The following VAV2 variants were observed in gnomAD, a reference collection of about 807,000 sequenced individuals.
The protein encoded by VAV2 is vav guanine nucleotide exchange factor 2.
In VAV2, 67 loss-of-function variants were observed where a neutral mutation model predicts 132.5. That is an observed-to-expected ratio of 0.51 (90% CI 0.42 to 0.62). The LOEUF (loss-of-function observed/expected upper bound fraction) is 0.62. Among genes scored for constraint, VAV2 ranks in the 20% least tolerant of loss-of-function variants. The pLI, the probability that VAV2 is intolerant of heterozygous loss-of-function variation, is 0.00. For missense variants in VAV2, 938 were observed against 1,153.6 expected (o/e 0.81, Z 2.71); for synonymous variants, 492 against 443.5 (o/e 1.11, Z -1.37).
intron 3 of VAV2, among the ~76,000 whole-genome samples, chr9:133,847,919 A>C (rs1837001718): frequency 6.6e-6 from 1 of 152,188 alleles, no homozygotes; most frequent in African/African-American, 2.4e-5. Context: ...CTGATCACTA[A>C]CAGGGAGGGA....
At chr9:133,980,586 T>C (rs1271244914) in intron 1 of VAV2, among the ~76,000 whole-genome samples, 1 of 152,152 alleles carries the variant, frequency 6.6e-6, no homozygotes, top group Non-Finnish European at 1.5e-5. Context: ...TGGAACCTTC[T>C]ATCACGCATC....
chr9:133,867,844 G>A (rs1292455199), intron 2 of VAV2, among the ~76,000 whole-genome samples: 2 of 152,238 alleles, frequency 1.3e-5, no homozygotes, highest in Non-Finnish European at 2.9e-5. Flanking sequence ...GTGTGGGGCG[G>A]TCCACCTGGC....
chr9:133,816,074 C>T (rs1835548352), intron 4 of VAV2, among the ~76,000 whole-genome samples: 1 of 152,220 alleles, frequency 6.6e-6, no homozygotes, highest in Non-Finnish European at 1.5e-5. Flanking sequence ...TTCTATTTGG[C>T]ACTTTCCTGA....
chr9:133,973,077 G>A (rs7037681), intron 1 of VAV2, among the ~76,000 whole-genome samples: 8,646 of 151,924 alleles, frequency 0.057, 367 homozygotes, highest in African/African-American at 0.12. Context: ...AATCCCCAGG[G>A]AGCCCTGCCT....
chr9:133,977,184 G>GC (rs1309146704), intron 1 of VAV2, among the ~76,000 whole-genome samples: 4 of 152,272 alleles, frequency 2.6e-5, no homozygotes, highest in South Asian at 2.1e-4. Context: ...GCAGAGTGAG[G>GC]CCCCCCCAGC....
In VAV2 at chr9:133,883,149, C is replaced by G. The variant is rs1838566938; in HGVS notation, c.322-21717G>C. ...TTCCCTCCTAATTGGCATGGAAAGT[C>G]AAGTCCCTGAGCCTGCAAAAGACTC... On this transcript the variant is annotated intron_variant, in intron 2 of 29. Transcript: ENST00000371850. The surrounding 1 kb of genome is among the most constrained non-coding windows in gnomAD (Gnocchi z 4.2). Among the ~76,000 whole-genome samples the G allele has an allele frequency of 6.6e-6, 1 of 152,242 alleles. No individual in the cohort carries two copies.
At chr9:133,846,495 G>A (rs374799872) in intron 3 of VAV2, among the ~76,000 whole-genome samples, 4 of 152,224 alleles carry the variant, frequency 2.6e-5, no homozygotes, top group African/African-American at 7.2e-5. Flanking sequence ...AGAGGCCACT[G>A]CCCTGCTGGA....
At chr9:133,851,457 T>G (rs1252676659) in intron 3 of VAV2, among the ~76,000 whole-genome samples, 1 of 152,206 alleles carries the variant, frequency 6.6e-6, no homozygotes, top group Non-Finnish European at 1.5e-5. Flanking sequence ...TGTAAGAAAT[T>G]GATCCAGCAT....
At chr9:133,976,848 G>A (rs1255844437) in intron 1 of VAV2, among the ~76,000 whole-genome samples, 2 of 151,980 alleles carry the variant, frequency 1.3e-5, no homozygotes, top group African/African-American at 4.8e-5. Context: ...ATCCACTGAG[G>A]AAGCCACTCC....
In VAV2 at chr9:133,789,491, G is replaced by A. The variant is rs147609021; in HGVS notation, c.1189-148C>T. On this transcript the variant is annotated intron_variant, in intron 13 of 29. Transcript: ENST00000371850. ...AGGGAAACAGCCCCTGTGGCTCCCA[G>A]CTGGTGCTCAGGATGGACGAGGGAG... 1.7e-3 allele frequency: 1,227 copies of A among 719,016 alleles called. 2 individuals carry two copies. The highest frequency in any genetic ancestry group is 8.7e-3 in the Middle Eastern group (26 of 2,972). The allele number at this position is 719,016 out of a possible 1,614,324, so 44.5% of individuals were successfully genotyped here.
rs970637394 is a variant in VAV2 at position 133,863,535 on chromosome 9, G to A, written c.322-2103C>T. On this transcript the variant is annotated intron_variant, in intron 2 of 29. Transcript: ENST00000371850. This position sits in a 1 kb window ranked among gnomAD's most constrained non-coding sequence, Gnocchi z 5.0. ...CGTCCATGCATCTGTGGCCCCTGTG[G>A]ACAATTTCTACAGCTGCTATGACCA... Among the ~76,000 whole-genome samples the A allele has an allele frequency of 1.6e-4, 25 of 152,232 alleles. No homozygotes were observed. The highest frequency in any genetic ancestry group is 5.9e-4 in the Admixed American group (9 of 15,290).
At position 133,763,891 on chromosome 9, in the gene VAV2, A is replaced by G; in HGVS notation, c.*171T>C. 1 of 767,450 alleles carries G rather than the reference A, an allele frequency of 1.3e-6. No individual in the cohort carries two copies. The highest frequency in any genetic ancestry group is 2.1e-6 in the Non-Finnish European group (1 of 470,010). 47.5% of individuals were successfully genotyped at this position (767,450 alleles called of 1,614,324 possible). On this transcript the variant is annotated 3_prime_UTR_variant, in exon 30 of 30. Transcript: ENST00000371850. The surrounding 1 kb of genome is among the most constrained non-coding windows in gnomAD (Gnocchi z 6.8). ...GTGATGGGTCGCCGAGGGCAGGCTG[A>G]CAGTGAAACGGTTCGAGTTTAGGAT...
At chr9:133,916,661 T>C (rs1840102507) in intron 2 of VAV2, among the ~76,000 whole-genome samples, 1 of 152,058 alleles carries the variant, frequency 6.6e-6, no homozygotes, top group South Asian at 2.1e-4. Context: ...GAAGCTGAGC[T>C]GGAAGAAAGA....
intron 2 of VAV2, among the ~76,000 whole-genome samples, chr9:133,905,459 A>G (rs1564453665): frequency 1.4e-5 from 2 of 146,354 alleles, no homozygotes; most frequent in African/African-American, 5.0e-5. Context: ...AAGAAACAAA[A>G]GAAGAAGAAC....
chr9:133,950,844 G>A (rs182091469), intron 1 of VAV2, among the ~76,000 whole-genome samples: 4 of 152,118 alleles, frequency 2.6e-5, no homozygotes, highest in East Asian at 1.9e-4. Context: ...TCCGGAAAGC[G>A]GCCTCCGAGG....
Position 133,901,476 on chromosome 9 carries a change from C to T in VAV2, c.321+37627G>A, listed in dbSNP as rs532752926. Among the ~76,000 whole-genome samples the T allele has an allele frequency of 7.2e-5, 11 of 152,362 alleles. No individual in the cohort carries two copies. The South Asian group carries it at 2.3e-3, about 32-fold the overall frequency. On this transcript the variant is annotated intron_variant, in intron 2 of 29. Transcript: ENST00000371850. ...CTGTGGTGGCTCTGACCAGGGGAGC[C>T]TGTCGGGAGAGCCATGGCACCACCT...
chr9:133,807,515 C>G (rs552054621), intron 7 of VAV2, among the ~76,000 whole-genome samples, 189 bp from the exon 8 acceptor site: 86 of 152,290 alleles, frequency 5.6e-4, no homozygotes, highest in Middle Eastern at 6.8e-3. Context: ...CAGGAAGGTG[C>G]GGGGGTAAAG....
At position 133,840,530 on chromosome 9, in the gene VAV2, C is replaced by A. The variant is rs1336942361; in HGVS notation, c.381-6190G>T. Among the ~76,000 whole-genome samples the A allele has an allele frequency of 2.0e-5, 3 of 152,146 alleles. No individual in the cohort carries two copies. Among genetic ancestry groups the A allele is most frequent in the East Asian group, 3.9e-4 (2 of 5,178 alleles). ...ACAATCACAGTCCCAGTGCTACAGC[C>A]AAATAAGTCACCAGCCAGAGGACAC... On this transcript the variant is annotated intron_variant, in intron 3 of 29. Transcript: ENST00000371850. The surrounding 1 kb of genome is among the most constrained non-coding windows in gnomAD (Gnocchi z 4.5).
intron 1 of VAV2, among the ~76,000 whole-genome samples, chr9:133,977,080 A>G (rs1427003049): frequency 1.3e-5 from 2 of 152,174 alleles, no homozygotes; most frequent in Non-Finnish European, 1.5e-5. Flanking sequence ...TGCGGAGCCC[A>G]GCTCCAGGCC....
Sources: gnomAD v4.1 joint callset for allele counts (sites outside exome capture counted in the v4.1 genomes callset) on GRCh38, gnomAD v4.1.1 for gene constraint, Gnocchi (gnomAD v3.1) non-coding constraint, MANE v1.5 for transcripts, NCBI Gene and HGNC (gene_info 2026-07-23, HGNC 2026-07-21) for gene names.